NPC1: variants seen among roughly 807,000 people sequenced by gnomAD.
NPC1 encodes the protein NPC intracellular cholesterol transporter 1, also known as Niemann-Pick C1 protein.
In NPC1, 85 loss-of-function variants were observed where a neutral mutation model predicts 140.4. The ratio of observed to expected loss-of-function variants is 0.61; its 90% CI spans 0.51 to 0.72. The LOEUF (loss-of-function observed/expected upper bound fraction) is 0.72, where lower values mean the gene tolerates loss of function less well. NPC1 is among the 30% of genes least tolerant of loss of function. The probability of loss-of-function intolerance (pLI) is 0.00; values close to 1 mark genes in which losing one functional copy is unlikely to be tolerated. For synonymous variants in NPC1, 656 were observed against 624.8 expected (o/e 1.05, Z -0.74); for missense variants, 1,504 against 1,623.8 (o/e 0.93, Z 1.27).
chr18:23,570,811 A>T (rs2059190781), intron 3 of NPC1, among the ~76,000 whole-genome samples: 1 of 152,108 alleles, frequency 6.6e-6, no homozygotes. Context: ...TAGCCAACAG[A>T]ACAGATAAAA....
At chr18:23,570,947 G>A (rs1339898163) in intron 3 of NPC1, among the ~76,000 whole-genome samples, 1 of 152,168 alleles carries the variant, frequency 6.6e-6, no homozygotes, top group Admixed American at 6.5e-5. Context: ...AGAATGATGT[G>A]CAAAGCAAAG....
At chr18:23,514,100 G>C (rs898813030) in intron 3 of NPC1, among the ~76,000 whole-genome samples, 1 of 152,156 alleles carries the variant, frequency 6.6e-6, no homozygotes, top group Non-Finnish European at 1.5e-5. Context: ...GGTGTTAAGA[G>C]TTCTTTCAGG....
chr18:23,545,087 C>G lies in NPC1; in HGVS notation c.1820G>C (p.Arg607Pro). 1 of 1,612,914 alleles carries G rather than the reference C, an allele frequency of 6.2e-7. No homozygotes were observed. The highest frequency in any genetic ancestry group is 8.5e-7 in the Non-Finnish European group (1 of 1,178,944). ...PNLTISFTAE[R>P]SIEDELNRES... ...ACGATTTAGTTCATCTTCAATACTTCGTTCAGCAGTGAAGGAAATGGTCAG... is the reference window on the plus strand; with the variant it reads ...ACGATTTAGTTCATCTTCAATACTTGGTTCAGCAGTGAAGGAAATGGTCAG... Residue 607 changes from arginine (R) to proline (P), a missense_variant, in exon 12 of 25, where the codon CGA becomes CCA. By Grantham distance (103) the Arg-to-Pro change is moderately radical. Transcript: ENST00000269228.
At chr18:23,549,668 T>G (rs1006893715) in intron 10 of NPC1, among the ~76,000 whole-genome samples, 2 of 152,064 alleles carry the variant, frequency 1.3e-5, no homozygotes, top group Non-Finnish European at 2.9e-5. Context: ...CTTTTTTTTT[T>G]GTATTTCTTC....
At chr18:23,566,984 T>C (rs545697708) in intron 4 of NPC1, among the ~76,000 whole-genome samples, 1 of 152,236 alleles carries the variant, frequency 6.6e-6, no homozygotes, top group South Asian at 2.1e-4. Flanking sequence ...GGTTCATCCA[T>C]GTACTTTCAT....
intron 1 of NPC1, among the ~76,000 whole-genome samples, chr18:23,579,154 C>T (rs1163957851): frequency 6.6e-6 from 1 of 152,224 alleles, no homozygotes; most frequent in Non-Finnish European, 1.5e-5. Context: ...CTGCCTGCCT[C>T]TGCCTTGGTC....
At position 23,532,369 on chromosome 18, in the gene NPC1, A is replaced by G. The variant is rs2058541027; in HGVS notation, c.3755-85T>C. The G allele has an allele frequency of 2.1e-6, 3 of 1,420,094 alleles. No individual in the cohort carries two copies. In the Admixed American group the frequency reaches 5.0e-5, roughly 24 times the overall value. The allele number at this position is 1,420,094 out of a possible 1,614,324, so 88.0% of individuals were successfully genotyped here. A position where few individuals can be genotyped will look rare whatever the true frequency, so the allele number is the denominator to read the frequency against. On this transcript the variant is annotated intron_variant, in intron 24 of 24. Transcript: ENST00000269228. ...CATAGTGGCTCACGCCTGTAATCCC[A>G]CTTTGGAAGACTGAGGCAGGAGAAT...
At chr18:23,511,038 G>A (rs888225747) in intron 3 of NPC1, among the ~76,000 whole-genome samples, 1 of 152,216 alleles carries the variant, frequency 6.6e-6, no homozygotes, top group Non-Finnish European at 1.5e-5. Context: ...AATGTTCATT[G>A]CAGCACTGTT....
chr18:23,567,387 A>C (rs1352515879), intron 4 of NPC1, among the ~76,000 whole-genome samples: 1 of 152,100 alleles, frequency 6.6e-6, no homozygotes, highest in Admixed American at 6.6e-5. Context: ...CTAATGACAT[A>C]ATGTTGAGCA....
In NPC1 at chr18:23,515,899, A is replaced by G. The variant is rs1408519644; in HGVS notation, c.432-9257T>C. ...AGTCTGAAACTCTTGAAGAGCCACA[A>G]TCTCAATGTGAATTGGTACATGTAC... On this transcript the variant is annotated intron_variant, in intron 3 of 3. Transcript: ENST00000591107. 4 of 1,614,054 alleles carry G rather than the reference A, an allele frequency of 2.5e-6. No individual in the cohort carries two copies. In the South Asian group the frequency reaches 4.4e-5, roughly 18 times the overall value.
chr18:23,529,265 C>T (rs1190318400), downstream of NPC1: 7 of 1,613,658 alleles, frequency 4.3e-6, no homozygotes, highest in Non-Finnish European at 2.5e-6. Context: ...CAGATGTGTA[C>T]ACCCATGTCC....
chr18:23,507,833 T>G, intron 3 of NPC1: 1 of 549,522 alleles, frequency 1.8e-6, no homozygotes, highest in Non-Finnish European at 2.9e-6. Context: ...GAATTGGTCT[T>G]TTTATCTTTC....
At chr18:23,543,596 C>G (rs762603165) in intron 13 of NPC1, 27 bp from the exon 14 acceptor site, 53 of 1,215,110 alleles carry the variant, frequency 4.4e-5, no homozygotes, top group Non-Finnish European at 6.4e-5. Flanking sequence ...AAAAATTATG[C>G]GACATTAAAA....
chr18:23,544,943 ACCC>A lies in NPC1; in HGVS notation c.1947+14_1947+16del. On this transcript the variant is annotated intron_variant, in intron 12 of 24. Transcript: ENST00000269228. ...GCTGTTAACCTCTAGAACATACACC[ACCC>A]CCCCCCGGCTTACCAGAAGCCTGCG... is the stretch of plus-strand genomic sequence containing the variant. The A allele has an allele frequency of 2.1e-5, 22 of 1,032,628 alleles. No individual in the cohort carries two copies. The highest frequency in any genetic ancestry group is 2.9e-5 in the Non-Finnish European group (21 of 712,650). The allele number at this position is 1,032,628 out of a possible 1,614,324, so 64.0% of individuals were successfully genotyped here.
intron 17 of NPC1, 141 bp downstream of exon 17, chr18:23,540,307 G>A: frequency 1.4e-6 from 1 of 695,286 alleles, no homozygotes; most frequent in South Asian, 1.6e-5. Context: ...CACTGCGACA[G>A]TTCTCCTAAC....
rs757165780 is a variant in NPC1 at position 23,545,129 on chromosome 18, T to G, written c.1778A>C (p.Asn593Thr). 118 of 1,611,828 alleles carry G rather than the reference T, an allele frequency of 7.3e-5. No homozygotes were observed. The highest frequency in any genetic ancestry group is 1.0e-4 in the Non-Finnish European group (118 of 1,178,000). ...AATGGTCAGATTGGGATTCTTGTAG[T>G]TTTTCACAAAATTAATAAACCTAAA... is the stretch of plus-strand genomic sequence containing the variant. ...WEKEFINFVKNYKNPNLTISF... is the reference protein window; with the variant it reads ...WEKEFINFVKTYKNPNLTISF... The change falls in exon 12 of 25, where the codon AAC (asparagine) becomes ACC (threonine). Residue 593 changes from asparagine to threonine, a missense_variant. Physicochemically the swap from Asn to Thr is moderately conservative, Grantham distance 65 (BLOSUM62 0). Coordinates refer to ENST00000269228, the MANE Select transcript of NPC1 (RefSeq NM_000271.5).
chr18:23,550,911 T>C (rs879695367), intron 10 of NPC1, among the ~76,000 whole-genome samples: 2 of 152,164 alleles, frequency 1.3e-5, no homozygotes, highest in Admixed American at 1.3e-4. Context: ...TCTCCAACAA[T>C]TAGAAATGGC....
chr18:23,520,349 T>C (rs773949338), downstream of NPC1: 2 of 1,502,230 alleles, frequency 1.3e-6, no homozygotes, highest in Admixed American at 1.7e-5. Flanking sequence ...TGTGCTGCCC[T>C]TTCACCATGT....
chr18:23,516,044 C>G (rs2057993978), intron 3 of NPC1: 2 of 1,612,404 alleles, frequency 1.2e-6, no homozygotes, highest in South Asian at 1.1e-5. Flanking sequence ...CAGTTGTCCC[C>G]TGTTCCTGTA....
Sources: gnomAD v4.1 joint callset for allele counts (sites outside exome capture counted in the v4.1 genomes callset) on GRCh38, gnomAD v4.1.1 for gene constraint, MANE v1.5 for transcripts, NCBI Gene and HGNC (gene_info 2026-07-23, HGNC 2026-07-21) for gene names.